The following GRM5 variants were observed in gnomAD, a reference collection of about 807,000 sequenced individuals.
The protein encoded by GRM5 is metabotropic glutamate receptor 5.
GRM5 carries 19 observed loss-of-function variants against 83.1 expected under a neutral mutation model. The observed-to-expected ratio is 0.23, with a 90% CI of 0.16 to 0.34. The LOEUF (loss-of-function observed/expected upper bound fraction) is 0.34. Among genes scored for constraint, GRM5 ranks in the 10% least tolerant of loss-of-function variants. The pLI, the probability that GRM5 is intolerant of heterozygous loss-of-function variation, is 1.00. For synonymous variants in GRM5, 675 were observed against 633.6 expected (o/e 1.07, Z -0.98); for missense variants, 1,160 against 1,588.3 (o/e 0.73, Z 4.58).
intron 7 of GRM5, among the ~76,000 whole-genome samples, chr11:88,574,985 C>CTTTTTTTTTTTTTTTTT (rs796257304): frequency 8.6e-6 from 1 of 116,180 alleles, no homozygotes; most frequent in African/African-American, 3.2e-5. Flanking sequence ...CTTTTCTTTT[C>CTTTTTTTTTTTTTTTTT]TTTTTTTTTT....
chr11:88,889,706 T>C (rs1945108019), intron 2 of GRM5, among the ~76,000 whole-genome samples: 1 of 152,190 alleles, frequency 6.6e-6, no homozygotes, highest in Non-Finnish European at 1.5e-5. Context: ...AAAAAAATTT[T>C]TATTTTTCTC....
At chr11:88,589,531 A>G (rs1156632574) in intron 7 of GRM5, among the ~76,000 whole-genome samples, 2 of 152,198 alleles carry the variant, frequency 1.3e-5, no homozygotes, top group Non-Finnish European at 2.9e-5. Context: ...TAAATAAGTG[A>G]ATACAACTAC....
At chr11:88,791,511 T>C (rs778764778) in intron 3 of GRM5, among the ~76,000 whole-genome samples, 3 of 152,174 alleles carry the variant, frequency 2.0e-5, no homozygotes, top group Non-Finnish European at 2.9e-5. Flanking sequence ...AGAAAACTAA[T>C]AGATGCAAGT....
At chr11:88,655,524 A>G (rs1939744479) in intron 3 of GRM5, among the ~76,000 whole-genome samples, 1 of 152,086 alleles carries the variant, frequency 6.6e-6, no homozygotes, top group Non-Finnish European at 1.5e-5. Context: ...AATGGCTCCA[A>G]TTTACCCTTC....
At chr11:88,889,638 G>A (rs1369428424) in intron 2 of GRM5, among the ~76,000 whole-genome samples, 3 of 152,240 alleles carry the variant, frequency 2.0e-5, no homozygotes, top group Admixed American at 6.5e-5. Flanking sequence ...GGGTATTCAA[G>A]TAATAAATAT....
chr11:88,613,593 T>A (rs1235288478), intron 4 of GRM5, among the ~76,000 whole-genome samples: 2 of 152,146 alleles, frequency 1.3e-5, no homozygotes, highest in African/African-American at 4.8e-5. Context: ...GTGAGATAGG[T>A]CTCCTGAAGT....
At chr11:88,565,721 A>C (rs1388215540) in intron 8 of GRM5, among the ~76,000 whole-genome samples, 6 of 152,220 alleles carry the variant, frequency 3.9e-5, no homozygotes, top group Non-Finnish European at 7.3e-5. Flanking sequence ...ACAGACCATG[A>C]CATTGCCAGG....
At chr11:88,537,114 A>G (rs936089734) in intron 8 of GRM5, among the ~76,000 whole-genome samples, 1 of 151,744 alleles carries the variant, frequency 6.6e-6, no homozygotes, top group Non-Finnish European at 1.5e-5. Context: ...ATGCTTAAAA[A>G]CCCCTTATTT....
chr11:88,970,660 C>T (rs750204333), intron 2 of GRM5, among the ~76,000 whole-genome samples: 2 of 152,206 alleles, frequency 1.3e-5, no homozygotes, highest in African/African-American at 2.4e-5. Flanking sequence ...TCAGGGCCCA[C>T]TTTGGGCCAA....
intron 3 of GRM5, among the ~76,000 whole-genome samples, chr11:88,747,539 A>T (rs10831348): frequency 0.15 from 22,517 of 152,036 alleles, 1,925 homozygotes; most frequent in African/African-American, 0.23. Context: ...CACACAGTAA[A>T]GTGTAAGGAC....
Position 89,025,028 on chromosome 11 carries a change from G to A in GRM5, c.661+22184C>T, listed in dbSNP as rs748844376. 6.4e-4 allele frequency among the ~76,000 whole-genome samples: 98 copies of A among 152,210 alleles called. 1 individual carries two copies. The highest frequency in any genetic ancestry group is 2.1e-4 in the Non-Finnish European group (14 of 68,034). ...ATCTATACAATGTTAGTTAGCAGGA[G>A]AAGCTGAAAATTAGGTGTGGTAAGA... On this transcript the variant is annotated intron_variant, in intron 2 of 9. Coordinates refer to ENST00000305447, the MANE Select transcript of GRM5 (RefSeq NM_001143831.3).
chr11:88,655,031 G>GA (rs1939731565), intron 3 of GRM5, among the ~76,000 whole-genome samples: 1 of 151,772 alleles, frequency 6.6e-6, no homozygotes, highest in African/African-American at 2.4e-5. Flanking sequence ...GGAGAGAAGG[G>GA]AAAAAATAAA....
intron 2 of GRM5, among the ~76,000 whole-genome samples, chr11:88,871,149 C>G (rs373760072): frequency 9.9e-5 from 15 of 151,678 alleles, no homozygotes; most frequent in African/African-American, 2.9e-4. Context: ...AGCTTTTATG[C>G]ACATAATCTC....
At chr11:89,040,683 A>G (rs1377472880) in intron 2 of GRM5, among the ~76,000 whole-genome samples, 1 of 151,254 alleles carries the variant, frequency 6.6e-6, no homozygotes, top group Non-Finnish European at 1.5e-5. Context: ...CCTGGGCAAT[A>G]GAGAGAGACC....
chr11:89,057,141 A>T (rs1591084133), intron 1 of GRM5, among the ~76,000 whole-genome samples: 1 of 152,304 alleles, frequency 6.6e-6, no homozygotes, highest in East Asian at 1.9e-4. Flanking sequence ...AGCAAATCAC[A>T]CAGCTCAGGA....
intron 2 of GRM5, among the ~76,000 whole-genome samples, chr11:88,932,372 A>C (rs1282547162): frequency 6.6e-6 from 1 of 152,016 alleles, no homozygotes; most frequent in Admixed American, 6.6e-5. Flanking sequence ...TGGCTAAAAA[A>C]GTTATAATCA....
At chr11:88,744,625 A>C (rs1236052238) in intron 3 of GRM5, among the ~76,000 whole-genome samples, 2 of 152,080 alleles carry the variant, frequency 1.3e-5, no homozygotes, top group South Asian at 2.1e-4. Context: ...TGCTTTAGGA[A>C]ATTAACGCTT....
At chr11:89,051,448 G>T (rs1210344303) in intron 1 of GRM5, among the ~76,000 whole-genome samples, 1 of 152,056 alleles carries the variant, frequency 6.6e-6, no homozygotes, top group South Asian at 2.1e-4. Flanking sequence ...GGTGGCTCAC[G>T]CCTGTAATCC....
intron 2 of GRM5, among the ~76,000 whole-genome samples, chr11:88,976,768 C>A (rs544744753): frequency 1.4e-4 from 21 of 152,106 alleles, no homozygotes; most frequent in African/African-American, 5.1e-4. Flanking sequence ...AAATCTGACA[C>A]ACACACAAAT....
Sources: gnomAD v4.1 joint callset for allele counts (sites outside exome capture counted in the v4.1 genomes callset) on GRCh38, gnomAD v4.1.1 for gene constraint, MANE v1.5 for transcripts, NCBI Gene and HGNC (gene_info 2026-07-23, HGNC 2026-07-21) for gene names.